EYS: variants seen among roughly 807,000 people sequenced by gnomAD.
EYS encodes EGF-like photoreceptor maintenance factor.
A neutral mutation model predicts 282.1 loss-of-function variants in EYS; 250 were observed. The observed-to-expected ratio is 0.89, with a 90% confidence interval of 0.80 to 0.98. The LOEUF (loss-of-function observed/expected upper bound fraction) is 0.98. Among genes scored for constraint, EYS ranks in the 50% least tolerant of loss-of-function variants. The pLI is 0.00. For synonymous variants in EYS, 1,355 were observed against 1,282.9 expected, an observed-to-expected ratio of 1.06 and a Z score of -1.20; for missense variants, 4,016 against 3,709.0, an observed-to-expected ratio of 1.08 and a Z score of -2.15.
At chr6:65,224,706 A>C (rs1168559978) in intron 12 of EYS, among the ~76,000 whole-genome samples, 1 of 152,180 alleles carries the variant, frequency 6.6e-6, no homozygotes, top group Non-Finnish European at 1.5e-5. Flanking sequence ...TTAGAAATGA[A>C]ATTGCAGATG....
At chr6:65,482,128 A>G (rs1765630094) in intron 5 of EYS, among the ~76,000 whole-genome samples, 1 of 152,168 alleles carries the variant, frequency 6.6e-6, no homozygotes. Context: ...GCTAATAATT[A>G]TCATAGTGAC....
At chr6:64,876,666 G>C (rs904600638) in intron 19 of EYS, among the ~76,000 whole-genome samples, 2 of 152,084 alleles carry the variant, frequency 1.3e-5, no homozygotes, top group Non-Finnish European at 2.9e-5. Flanking sequence ...TAATTGAATA[G>C]AGTGACATAG....
intron 22 of EYS, among the ~76,000 whole-genome samples, chr6:64,644,018 T>G (rs1023408892): frequency 1.3e-5 from 2 of 152,230 alleles, no homozygotes; most frequent in African/African-American, 4.8e-5. Context: ...GTAATTTTGT[T>G]TGCTTTGGAA....
At chr6:65,359,412 T>A (rs1764614203) in intron 8 of EYS, among the ~76,000 whole-genome samples, 1 of 151,998 alleles carries the variant, frequency 6.6e-6, no homozygotes, top group Non-Finnish European at 1.5e-5. Flanking sequence ...GGAAAACTAA[T>A]TTTGATTGCT....
intron 35 of EYS, among the ~76,000 whole-genome samples, chr6:63,925,108 G>A (rs1401583415): frequency 6.6e-6 from 1 of 152,152 alleles, no homozygotes; most frequent in East Asian, 1.9e-4. Context: ...CCTCATTTCT[G>A]TAAAATGAAA....
At chr6:63,745,100 A>G in intron 41 of EYS, 1 of 347,566 alleles carries the variant, frequency 2.9e-6, no homozygotes, top group Non-Finnish European at 5.5e-6. Context: ...TAGAATGATA[A>G]AGCCAGCTTT....
chr6:64,662,237 G>A (rs1330331578), intron 22 of EYS, among the ~76,000 whole-genome samples: 18 of 108,610 alleles, frequency 1.7e-4, no homozygotes, highest in African/African-American at 6.1e-4. Flanking sequence ...CTGTTGTGGG[G>A]TGGGGGGAGG....
At chr6:63,983,763 T>C (rs541034463) in intron 35 of EYS, among the ~76,000 whole-genome samples, 4 of 151,936 alleles carry the variant, frequency 2.6e-5, no homozygotes, top group African/African-American at 9.6e-5. Context: ...ATTGGGAATA[T>C]GTTTTACACT....
intron 22 of EYS, among the ~76,000 whole-genome samples, chr6:64,643,060 A>G (rs1019835663): frequency 1.3e-5 from 2 of 150,924 alleles, no homozygotes; most frequent in Admixed American, 6.6e-5. Flanking sequence ...GATTGTGGTG[A>G]GCCGAGATCA....
intron 29 of EYS, among the ~76,000 whole-genome samples, chr6:64,340,380 C>A (rs562419133): frequency 6.6e-6 from 1 of 151,616 alleles, no homozygotes; most frequent in Non-Finnish European, 1.5e-5. Context: ...GACACAAAGA[C>A]CAATGGAAAA....
At chr6:64,017,116 A>G (rs1261369759) in intron 33 of EYS, among the ~76,000 whole-genome samples, 1 of 151,916 alleles carries the variant, frequency 6.6e-6, no homozygotes, top group African/African-American at 2.4e-5. Flanking sequence ...GTGCAAAGGC[A>G]AGGAGGGAAA....
At chr6:63,846,890 T>A (rs1377523528) in intron 36 of EYS, among the ~76,000 whole-genome samples, 1 of 152,226 alleles carries the variant, frequency 6.6e-6, no homozygotes, top group Non-Finnish European at 1.5e-5. Flanking sequence ...TGCAAGCTAT[T>A]CTTGTTTGCT....
At chr6:63,789,253 T>C (rs1027116708) in intron 37 of EYS, 29 bp from the exon 38 acceptor site, 2 of 1,541,546 alleles carry the variant, frequency 1.3e-6, no homozygotes, top group Non-Finnish European at 1.8e-6. Flanking sequence ...TGGGGAATGC[T>C]CACTGAGAGG....
At chr6:65,305,443 GTA>G (rs1237263338) in intron 11 of EYS, among the ~76,000 whole-genome samples, 1 of 152,186 alleles carries the variant, frequency 6.6e-6, no homozygotes, top group Non-Finnish European at 1.5e-5. Flanking sequence ...GTGTTAGATT[GTA>G]TGTCTTTTTA....
At chr6:64,114,604 G>T (rs1773314621) in intron 31 of EYS, among the ~76,000 whole-genome samples, 1 of 152,194 alleles carries the variant, frequency 6.6e-6, no homozygotes, top group African/African-American at 2.4e-5. Context: ...AGGGAAAGGG[G>T]CTATCACTGT....
chr6:64,845,832 C>T (rs992356207), intron 19 of EYS, among the ~76,000 whole-genome samples: 5 of 152,184 alleles, frequency 3.3e-5, no homozygotes, highest in African/African-American at 1.2e-4. Flanking sequence ...CTAAACTTTC[C>T]TCCCTATGTA....
intron 12 of EYS, among the ~76,000 whole-genome samples, chr6:65,093,474 T>C (rs571837878): frequency 6.6e-6 from 1 of 151,958 alleles, no homozygotes; most frequent in South Asian, 2.1e-4. Flanking sequence ...ATACACAATA[T>C]AAAATAGGTA....
chr6:63,940,787 ACT>A (rs1212822557), intron 35 of EYS, among the ~76,000 whole-genome samples: 1 of 151,402 alleles, frequency 6.6e-6, no homozygotes, highest in Non-Finnish European at 1.5e-5. Context: ...ACACCCATTA[ACT>A]CATCATTTAC....
chr6:64,654,601 G>A (rs1248464179), intron 22 of EYS, among the ~76,000 whole-genome samples: 2 of 152,152 alleles, frequency 1.3e-5, no homozygotes, highest in Non-Finnish European at 2.9e-5. Flanking sequence ...ATTAAAAATA[G>A]AACAAATGTT....
Sources: gnomAD v4.1 joint callset for allele counts (sites outside exome capture counted in the v4.1 genomes callset) on GRCh38, gnomAD v4.1.1 for gene constraint, MANE v1.5 for transcripts, NCBI Gene and HGNC (gene_info 2026-07-23, HGNC 2026-07-21) for gene names.